Variants in PTPRR observed in about 807,000 individuals in gnomAD.
PTPRR encodes receptor-type tyrosine-protein phosphatase R.
A neutral mutation model predicts 77.2 loss-of-function variants in PTPRR; 38 were observed. That is an observed-to-expected ratio of 0.49 (90% CI 0.38 to 0.65). The LOEUF (loss-of-function observed/expected upper bound fraction) is 0.65. PTPRR is among the 30% of genes least tolerant of loss of function. The pLI, the probability that PTPRR is intolerant of heterozygous loss-of-function variation, is 0.00. For synonymous variants in PTPRR, 299 were observed against 283.1 expected, an observed-to-expected ratio of 1.06 and a Z score of -0.57; for missense variants, 744 against 799.2, an observed-to-expected ratio of 0.93 and a Z score of 0.83.
intron 5 of PTPRR, among the ~76,000 whole-genome samples, chr12:70,750,624 A>G (rs1890361313): frequency 6.6e-6 from 1 of 152,232 alleles, no homozygotes; most frequent in Admixed American, 6.5e-5. Flanking sequence ...AAGTTCCATC[A>G]GATAAACTTG....
At chr12:70,718,557 C>T (rs1001437663) in intron 6 of PTPRR, among the ~76,000 whole-genome samples, 5 of 152,126 alleles carry the variant, frequency 3.3e-5, no homozygotes, top group African/African-American at 1.2e-4. Context: ...AGCCACTATG[C>T]CTGGCCGGTC....
At chr12:70,752,396 GGAAAA>G (rs1363133723) in intron 5 of PTPRR, among the ~76,000 whole-genome samples, 10 of 152,200 alleles carry the variant, frequency 6.6e-5, no homozygotes, top group African/African-American at 2.4e-4. Flanking sequence ...GCAAATATTG[GGAAAA>G]GAAGAGTCAT....
At chr12:70,824,922 A>G (rs1892082930) in intron 2 of PTPRR, among the ~76,000 whole-genome samples, 1 of 152,010 alleles carries the variant, frequency 6.6e-6, no homozygotes, top group African/African-American at 2.4e-5. Context: ...TGCTTTACAT[A>G]CTCCTCACAG....
chr12:70,731,410 C>T (rs1565671201), intron 6 of PTPRR, among the ~76,000 whole-genome samples: 1 of 152,116 alleles, frequency 6.6e-6, no homozygotes, highest in South Asian at 2.1e-4. Flanking sequence ...CTTGCAATCG[C>T]CTTGTCTGAG....
chr12:70,882,342 A>T (rs1893163484), intron 2 of PTPRR, among the ~76,000 whole-genome samples: 1 of 152,172 alleles, frequency 6.6e-6, no homozygotes, highest in Admixed American at 6.5e-5. Flanking sequence ...AGGAGGAGTG[A>T]TGGTCAGAAT....
At chr12:70,754,594 A>G (rs1465421599) in intron 4 of PTPRR, 2 of 1,597,756 alleles carry the variant, frequency 1.3e-6, no homozygotes, top group South Asian at 2.2e-5. Context: ...CCTGGTTCAT[A>G]GGTAAGAGAG....
chr12:70,804,277 C>T (rs917989747), intron 2 of PTPRR, among the ~76,000 whole-genome samples: 4 of 151,780 alleles, frequency 2.6e-5, no homozygotes, highest in African/African-American at 4.8e-5. Flanking sequence ...ACCTCTGGGC[C>T]GGGTGCAGTG....
intron 2 of PTPRR, among the ~76,000 whole-genome samples, chr12:70,840,093 T>C (rs375283607): frequency 2.0e-5 from 3 of 152,172 alleles, no homozygotes; most frequent in African/African-American, 7.2e-5. Context: ...TTAATACAGA[T>C]ATAACTTATA....
intron 2 of PTPRR, among the ~76,000 whole-genome samples, chr12:70,808,530 A>G (rs1412390963): frequency 6.6e-6 from 1 of 151,570 alleles, no homozygotes; most frequent in East Asian, 1.9e-4. Flanking sequence ...TCTCTTTTGT[A>G]CTCTCTCCCT....
intron 13 of PTPRR, among the ~76,000 whole-genome samples, chr12:70,648,121 A>G (rs1886266318): frequency 6.6e-6 from 1 of 152,196 alleles, no homozygotes; most frequent in African/African-American, 2.4e-5. Flanking sequence ...TTCAGTTCAG[A>G]GTGTTTTATA....
chr12:70,860,201 T>C (rs868165050), intron 2 of PTPRR, among the ~76,000 whole-genome samples: 2 of 152,128 alleles, frequency 1.3e-5, no homozygotes, highest in South Asian at 4.1e-4. Flanking sequence ...AACATCACTT[T>C]TAATAGAGTC....
intron 6 of PTPRR, among the ~76,000 whole-genome samples, chr12:70,728,062 C>T (rs1171189458): frequency 1.3e-5 from 2 of 150,844 alleles, no homozygotes; most frequent in African/African-American, 2.4e-5. Flanking sequence ...TTGAAAAGTA[C>T]TGATTTATCA....
intron 2 of PTPRR, among the ~76,000 whole-genome samples, chr12:70,889,700 C>T (rs3923909): frequency 0.15 from 22,498 of 151,932 alleles, 1,817 homozygotes; most frequent in Non-Finnish European, 0.18. Context: ...TCCCTAAAAA[C>T]TGCCTCTGTA....
chr12:70,733,956 G>T (rs1464612062), intron 6 of PTPRR, among the ~76,000 whole-genome samples: 1 of 152,142 alleles, frequency 6.6e-6, no homozygotes, highest in Non-Finnish European at 1.5e-5. Context: ...AATGCACATA[G>T]TGGGACCCTG....
intron 10 of PTPRR, among the ~76,000 whole-genome samples, chr12:70,676,704 A>C (rs1256565352): frequency 6.6e-6 from 1 of 152,078 alleles, no homozygotes; most frequent in African/African-American, 2.4e-5. Flanking sequence ...TGTTGTTTGT[A>C]GTGAGAATAT....
intron 2 of PTPRR, among the ~76,000 whole-genome samples, chr12:70,770,946 T>C (rs928203219): frequency 9.5e-5 from 13 of 137,324 alleles, no homozygotes; most frequent in South Asian, 4.6e-4. Flanking sequence ...TAGGTGGGAA[T>C]TGAACAATGA....
intron 2 of PTPRR, among the ~76,000 whole-genome samples, chr12:70,826,789 T>C (rs890872074): frequency 6.6e-6 from 1 of 152,328 alleles, no homozygotes; most frequent in Admixed American, 6.5e-5. Context: ...CTCCAGTGAC[T>C]TTTACTAGCT....
At chr12:70,650,722 G>A (rs1052634164) in intron 13 of PTPRR, among the ~76,000 whole-genome samples, 1 of 152,196 alleles carries the variant, frequency 6.6e-6, no homozygotes, top group Non-Finnish European at 1.5e-5. Context: ...GCACCACTCT[G>A]TGCAGAGGTC....
At chr12:70,817,800 A>G (rs1281980990) in intron 2 of PTPRR, among the ~76,000 whole-genome samples, 4 of 151,086 alleles carry the variant, frequency 2.6e-5, no homozygotes, top group African/African-American at 9.9e-5. Context: ...ACATGCACAT[A>G]TAACTTAAGA....
Sources: gnomAD v4.1 joint callset for allele counts (sites outside exome capture counted in the v4.1 genomes callset) on GRCh38, gnomAD v4.1.1 for gene constraint, MANE v1.5 for transcripts, NCBI Gene and HGNC (gene_info 2026-07-23, HGNC 2026-07-21) for gene names.